Variants in SHANK2 observed in about 807,000 individuals in gnomAD.
The protein encoded by SHANK2 is SH3 and multiple ankyrin repeat domains 2.
Under a neutral mutation model 133.7 loss-of-function variants are expected in SHANK2, and 43 were observed. The ratio of observed to expected loss-of-function variants is 0.32; its 90% CI spans 0.25 to 0.41. The LOEUF is 0.41. SHANK2 is among the 10% of genes least tolerant of loss of function. SHANK2 has a pLI of 1.00. For missense variants in SHANK2, 1,994 were observed against 2,235.8 expected (o/e 0.89, Z 2.18); for synonymous variants, 1,017 against 952.8 (o/e 1.07, Z -1.24).
At chr11:70,742,342 G>A (rs150579857) in intron 14 of SHANK2, among the ~76,000 whole-genome samples, 121 of 152,254 alleles carry the variant, frequency 7.9e-4, no homozygotes, top group South Asian at 4.6e-3. Flanking sequence ...GGTTTCTACC[G>A]ACTGCTCTTG....
chr11:71,163,441 C>T (rs751879587), intron 2 of SHANK2, among the ~76,000 whole-genome samples: 1 of 152,158 alleles, frequency 6.6e-6, no homozygotes, highest in African/African-American at 2.4e-5. Context: ...GGTGAGAACA[C>T]GGCAGGCCGT....
At chr11:70,503,269 G>A (rs1555159292) in intron 17 of SHANK2, among the ~76,000 whole-genome samples, 2 of 152,156 alleles carry the variant, frequency 1.3e-5, no homozygotes, top group African/African-American at 4.8e-5. Flanking sequence ...TTACAGGCCT[G>A]GGGCAATTTT....
intron 2 of SHANK2, among the ~76,000 whole-genome samples, chr11:71,171,723 C>T (rs1291817317): frequency 2.0e-5 from 3 of 152,184 alleles, no homozygotes; most frequent in Non-Finnish European, 4.4e-5. Flanking sequence ...GACACGCCCA[C>T]GATAACACTT....
In SHANK2 at chr11:70,535,689, G is replaced by A. The variant is rs1383609114; in HGVS notation, c.2062-32758C>T. ...CCGCCTTTAAGGGCTGCACAGTTGG[G>A]CAGGAGGATGGCCACCCAGGGGGAC... On this transcript the variant is annotated intron_variant, in intron 17 of 25. Transcript: ENST00000601538. This position sits in a 1 kb window ranked among gnomAD's most constrained non-coding sequence, Gnocchi z 4.3. 6.6e-6 allele frequency among the ~76,000 whole-genome samples: 1 copy of A among 152,268 alleles called. No homozygotes were observed. The highest frequency in any genetic ancestry group is 2.4e-5 in the African/African-American group (1 of 41,478).
chr11:71,109,972 C>T lies in SHANK2; in HGVS notation c.561G>A (p.Leu187=). The change falls in exon 6 of 26, where the codon CTG becomes CTA. Residue 187 remains leucine, a synonymous_variant. Transcript: ENST00000601538. ...TCTCCGGGTCGTGGAAATTGGGATC[C>T]AGGCCTCGGTCCAGCATCTTGGTGA... ...EKITKMLDRG[L]DPNFHDPETG... 6.4e-7 allele frequency: 1 copy of T among 1,551,660 alleles called. No individual in the cohort carries two copies. The highest frequency in any genetic ancestry group is 1.4e-5 in the African/African-American group (1 of 73,164).
chr11:70,799,071 C>A (rs1435606653), intron 13 of SHANK2, among the ~76,000 whole-genome samples: 1 of 152,152 alleles, frequency 6.6e-6, no homozygotes, highest in African/African-American at 2.4e-5. Flanking sequence ...CCGGCTCTGT[C>A]TGGATCTTCT....
chr11:71,152,310 C>T (rs1952813767), intron 2 of SHANK2, among the ~76,000 whole-genome samples: 1 of 152,158 alleles, frequency 6.6e-6, no homozygotes. Context: ...GACGGGTTTT[C>T]ACCATGTTGG....
intron 25 of SHANK2, among the ~76,000 whole-genome samples, chr11:70,481,316 G>C (rs1304723349): frequency 2.0e-5 from 3 of 152,222 alleles, no homozygotes; most frequent in African/African-American, 7.2e-5. Flanking sequence ...TGATTTCAGG[G>C]AAGAGCTTTG....
At chr11:71,105,088 T>C (rs1456651830) in intron 6 of SHANK2, among the ~76,000 whole-genome samples, 1 of 152,156 alleles carries the variant, frequency 6.6e-6, no homozygotes, top group Non-Finnish European at 1.5e-5. Context: ...AGATGTCCTT[T>C]AGGAGGCAAG....
At chr11:71,207,565 C>G (rs781832207) in intron 2 of SHANK2, among the ~76,000 whole-genome samples, 2 of 152,180 alleles carry the variant, frequency 1.3e-5, no homozygotes, top group African/African-American at 2.4e-5. Context: ...ATTACATTCT[C>G]TCTGATTTTT....
At chr11:70,799,173 G>A (rs1261768488) in intron 13 of SHANK2, among the ~76,000 whole-genome samples, 1 of 151,946 alleles carries the variant, frequency 6.6e-6, no homozygotes, top group Admixed American at 6.5e-5. Context: ...CGAGGGGAGT[G>A]GACCCTCTGA....
chr11:70,802,376 G>A (rs539380455), intron 13 of SHANK2, among the ~76,000 whole-genome samples: 5 of 152,248 alleles, frequency 3.3e-5, no homozygotes, highest in South Asian at 2.1e-4. Context: ...GGAAAGCAGC[G>A]GTGATTCCCT....
intron 8 of SHANK2, among the ~76,000 whole-genome samples, chr11:71,086,344 A>C (rs1367027986): frequency 8.1e-6 from 1 of 123,706 alleles, no homozygotes; most frequent in African/African-American, 3.2e-5. Context: ...GTTATATAAG[A>C]TATAGTATAT....
At chr11:70,843,580 CAG>C (rs1555062335) in intron 11 of SHANK2, among the ~76,000 whole-genome samples, 4 of 151,846 alleles carry the variant, frequency 2.6e-5, no homozygotes, top group African/African-American at 4.8e-5. Context: ...CAAAGACGCA[CAG>C]AGAGACGACC....
intron 14 of SHANK2, chr11:70,705,618 A>C (rs1190045925): frequency 6.6e-6 from 1 of 152,194 alleles, no homozygotes; most frequent in African/African-American, 2.4e-5. Context: ...AAGCCAGGGA[A>C]GCCAACCATC....
At chr11:70,943,340 T>A (rs1424989745) in intron 10 of SHANK2, among the ~76,000 whole-genome samples, 1 of 152,202 alleles carries the variant, frequency 6.6e-6, no homozygotes, top group African/African-American at 2.4e-5. Flanking sequence ...TATGGAGCCC[T>A]GCCCATGAAA....
intron 14 of SHANK2, among the ~76,000 whole-genome samples, chr11:70,729,821 C>G (rs1946248254): frequency 6.6e-6 from 1 of 151,326 alleles, no homozygotes; most frequent in Admixed American, 6.6e-5. Flanking sequence ...GCTTGAGCCA[C>G]CGTGCTTGGC....
rs73537482 is a variant in SHANK2 at position 71,181,173 on chromosome 11, C to T, written c.-12-33835G>A. Among the ~76,000 whole-genome samples, 1,151 of 152,064 alleles carry T rather than the reference C, an allele frequency of 7.6e-3. 11 individuals carry two copies. The highest frequency in any genetic ancestry group is 0.026 in the African/African-American group (1,099 of 41,494). On this transcript the variant is annotated intron_variant, in intron 2 of 25. Coordinates refer to ENST00000601538, the MANE Select transcript of SHANK2 (RefSeq NM_012309.5). ...ACAGAAGTGCAAGAAGGCCCAGGAA[C>T]GGAATTGCAGGTTCCTCCCGCTGAG... is the stretch of plus-strand genomic sequence containing the variant.
intron 17 of SHANK2, among the ~76,000 whole-genome samples, chr11:70,513,156 G>GT (rs1464960395): frequency 1.3e-5 from 2 of 151,100 alleles, no homozygotes; most frequent in African/African-American, 2.4e-5. Flanking sequence ...GTCACCTGCA[G>GT]TTTTTTGTTT....
Sources: allele counts gnomAD v4.1 joint callset (sites outside exome capture counted in the v4.1 genomes callset), GRCh38; gene constraint gnomAD v4.1.1; non-coding constraint Gnocchi (gnomAD v3.1); transcripts MANE v1.5; gene names NCBI Gene and HGNC (gene_info 2026-07-23, HGNC 2026-07-21).